The following CACNA1C variants were observed in gnomAD, a reference collection of about 807,000 sequenced individuals.
CACNA1C encodes voltage-dependent L-type calcium channel subunit alpha-1C.
In CACNA1C, 30 loss-of-function variants were observed where a neutral mutation model predicts 229.0. That is an observed-to-expected ratio of 0.13 (90% CI 0.10 to 0.18). The LOEUF is 0.18. Among genes scored for constraint, CACNA1C ranks in the 10% least tolerant of loss-of-function variants. The pLI is 1.00. For missense variants in CACNA1C, 1,658 were observed against 2,845.0 expected (o/e 0.58, Z 9.49); for synonymous variants, 1,114 against 1,132.5 (o/e 0.98, Z 0.33).
chr12:2,470,270 G>T (rs538615272), intron 5 of CACNA1C, among the ~76,000 whole-genome samples: 68 of 152,310 alleles, frequency 4.5e-4, no homozygotes, highest in African/African-American at 1.6e-3. Context: ...AACTCAGGAA[G>T]CTCCATAATG....
At chr12:2,620,711 A>G (rs1391559898) in intron 29 of CACNA1C, among the ~76,000 whole-genome samples, 1 of 152,258 alleles carries the variant, frequency 6.6e-6, no homozygotes, top group Non-Finnish European at 1.5e-5. Flanking sequence ...ACCGAAGCCT[A>G]CTACACACTC....
At chr12:2,030,842 G>C (rs575077719) in intron 1 of CACNA1C, among the ~76,000 whole-genome samples, 1 of 152,348 alleles carries the variant, frequency 6.6e-6, no homozygotes, top group South Asian at 2.1e-4. Context: ...AGGCAGAAAG[G>C]CTCAAAAGTC....
At position 2,300,961 on chromosome 12, in the gene CACNA1C, T is replaced by G. The variant is rs569654961; in HGVS notation, c.478-148015T>G. ...ATGACGAGCAGCTGCCCTACCTGGA[T>G]GGAAGGTGAGGGTCCCTGTTGTCCT... On this transcript the variant is annotated intron_variant, in intron 3 of 46. Transcript: ENST00000399655. 4.6e-5 allele frequency among the ~76,000 whole-genome samples: 7 copies of G among 152,274 alleles called. No homozygotes were observed. The South Asian group carries it at 1.5e-3, about 32-fold the overall frequency.
At chr12:2,270,014 A>C (rs1278475615) in intron 3 of CACNA1C, 1 of 152,206 alleles carries the variant, frequency 6.6e-6, no homozygotes, top group African/African-American at 2.4e-5. Context: ...GACACTGCTC[A>C]TTGGCCAAAC....
chr12:2,375,130 A>G (rs1428582901), intron 3 of CACNA1C, among the ~76,000 whole-genome samples: 2 of 152,216 alleles, frequency 1.3e-5, no homozygotes, highest in Non-Finnish European at 2.9e-5. Context: ...GGGTTGGAAC[A>G]TGAACCCAGT....
intron 5 of CACNA1C, among the ~76,000 whole-genome samples, chr12:2,473,144 C>T (rs2099601846): frequency 6.6e-6 from 1 of 152,212 alleles, no homozygotes; most frequent in Non-Finnish European, 1.5e-5. Context: ...TTTTCCCCAG[C>T]ACTGATTAAC....
chr12:2,612,033 C>CT lies in CACNA1C; in HGVS notation c.3828+23dup, dbSNP rs771033334. The CT allele has an allele frequency of 2.8e-6, 4 of 1,409,500 alleles. No homozygotes were observed. The African/African-American group carries it at 5.7e-5, about 20-fold the overall frequency. 87.3% of individuals were successfully genotyped at this position (1,409,500 alleles called of 1,614,324 possible). ...CCCAAGGTAGGCCTCTGAGAAAGAC[C>CT]TTTGATTCCCAGGCATCAGGGGTGG... On this transcript the variant is annotated intron_variant, in intron 29 of 46. Coordinates refer to ENST00000399655, the MANE Select transcript of CACNA1C (RefSeq NM_000719.7).
intron 3 of CACNA1C, among the ~76,000 whole-genome samples, chr12:2,240,429 T>C (rs542226446): frequency 6.6e-6 from 1 of 152,306 alleles, no homozygotes; most frequent in African/African-American, 2.4e-5. Context: ...TTGGGGTCTG[T>C]GATGTGTGAA....
chr12:2,010,785 T>G (rs1212525418), intron 1 of CACNA1C: 1 of 152,154 alleles, frequency 6.6e-6, no homozygotes, highest in African/African-American at 2.4e-5. Context: ...CTGATAGTGC[T>G]ACCCAACGTC....
At chr12:2,443,576 A>G (rs1267920585) in intron 3 of CACNA1C, among the ~76,000 whole-genome samples, 1 of 152,216 alleles carries the variant, frequency 6.6e-6, no homozygotes, top group Non-Finnish European at 1.5e-5. Flanking sequence ...CCGTTTCCCA[A>G]GATCACCAAA....
intron 1 of CACNA1C, among the ~76,000 whole-genome samples, chr12:2,096,834 G>A (rs1241470705): frequency 6.6e-6 from 1 of 152,108 alleles, no homozygotes; most frequent in Non-Finnish European, 1.5e-5. Context: ...TTCAATACAT[G>A]TTCTTGTGTG....
intron 1 of CACNA1C, among the ~76,000 whole-genome samples, chr12:1,984,262 C>A: frequency 6.6e-6 from 1 of 151,910 alleles, no homozygotes; most frequent in East Asian, 1.9e-4. Flanking sequence ...GGTAGGTCTA[C>A]CGTTTTATTT....
In CACNA1C at chr12:2,378,779, GTCCTTCCTTCCT is replaced by G. The variant is rs146245294; in HGVS notation, c.478-70168_478-70157del. ...TTGTTCTTTTTGTTTGTTTATTTGG[GTCCTTCCTTCCT>G]TCCTTCCTTCCTTCCTTCCTTCCTT... is the stretch of plus-strand genomic sequence containing the variant. On this transcript the variant is annotated intron_variant, in intron 3 of 46. Coordinates refer to ENST00000399655, the MANE Select transcript of CACNA1C (RefSeq NM_000719.7). 3.5e-3 allele frequency among the ~76,000 whole-genome samples: 502 copies of G among 144,134 alleles called. 3 individuals carry two copies. The highest frequency in any genetic ancestry group is 5.4e-3 in the Non-Finnish European group (357 of 66,684). The allele number at this position is 144,134 out of a possible 152,430, so 94.6% of individuals were successfully genotyped here.
At chr12:2,680,516 C>G in intron 42 of CACNA1C, 2 of 1,573,868 alleles carry the variant, frequency 1.3e-6, no homozygotes, top group Non-Finnish European at 1.7e-6. Context: ...CTTCACTGTG[C>G]TGCTCTTCCA....
intron 1 of CACNA1C, among the ~76,000 whole-genome samples, chr12:1,977,895 T>A (rs995581988): frequency 6.6e-6 from 1 of 152,236 alleles, no homozygotes; most frequent in African/African-American, 2.4e-5. Flanking sequence ...AGTTTATACT[T>A]CATAAGATGT....
intron 34 of CACNA1C, among the ~76,000 whole-genome samples, chr12:2,664,489 A>G (rs571115780): frequency 6.6e-6 from 1 of 152,332 alleles, no homozygotes; most frequent in Non-Finnish European, 1.5e-5. Context: ...TTTTTACGGT[A>G]AGTTCATAGA....
chr12:2,533,957 A>T lies in CACNA1C; in HGVS notation c.1391-15986A>T, dbSNP rs375010037. Among the ~76,000 whole-genome samples the T allele has an allele frequency of 5.3e-5, 8 of 152,292 alleles. No individual in the cohort carries two copies. In the South Asian group the frequency reaches 6.2e-4, roughly 12 times the overall value. ...TCCTAATGAACGAGCAAAGAACCAT[A>T]TGTGTCAGCACACCAAGCTACATGG... On this transcript the variant is annotated intron_variant, in intron 9 of 46. Coordinates refer to ENST00000399655, the MANE Select transcript of CACNA1C (RefSeq NM_000719.7).
chr12:2,207,139 A>G (rs2154332239), intron 3 of CACNA1C, among the ~76,000 whole-genome samples: 1 of 152,300 alleles, frequency 6.6e-6, no homozygotes, highest in African/African-American at 2.4e-5. Flanking sequence ...TTCCCAAGGC[A>G]AGGCATCTTG....
At chr12:2,400,055 G>A (rs1353749910) in intron 3 of CACNA1C, among the ~76,000 whole-genome samples, 4 of 152,218 alleles carry the variant, frequency 2.6e-5, no homozygotes, top group Non-Finnish European at 5.9e-5. Flanking sequence ...AGCAAGGGGG[G>A]TGTATTCCTA....
Sources: gnomAD v4.1 joint callset for allele counts (sites outside exome capture counted in the v4.1 genomes callset) on GRCh38, gnomAD v4.1.1 for gene constraint, MANE v1.5 for transcripts, NCBI Gene and HGNC (gene_info 2026-07-23, HGNC 2026-07-21) for gene names.